Variants in ZCCHC14 observed in about 807,000 individuals in gnomAD.
The protein encoded by ZCCHC14 is zinc finger CCHC-type containing 14, also known as zinc finger CCHC domain-containing protein 14.
Under a neutral mutation model 85.0 loss-of-function variants are expected in ZCCHC14, and 16 were observed. That is an observed-to-expected ratio of 0.19 (90% CI 0.13 to 0.29). The LOEUF is 0.29. Ranked by LOEUF, ZCCHC14 falls within the 10% of genes least tolerant of loss-of-function variation. The pLI is 1.00. For synonymous variants in ZCCHC14, 775 were observed against 630.7 expected, an observed-to-expected ratio of 1.23 and a Z score of -3.43; for missense variants, 1,303 against 1,443.5, an observed-to-expected ratio of 0.90 and a Z score of 1.58.
intron 1 of ZCCHC14, among the ~76,000 whole-genome samples, chr16:87,486,299 G>A (rs1040322570): frequency 6.6e-6 from 1 of 151,760 alleles, no homozygotes; most frequent in Non-Finnish European, 1.5e-5. Context: ...CAGACCACAC[G>A]GACCAGGGAT....
chr16:87,475,468 G>C (rs1334776602), intron 1 of ZCCHC14, among the ~76,000 whole-genome samples: 1 of 149,968 alleles, frequency 6.7e-6, no homozygotes, highest in Non-Finnish European at 1.5e-5. Context: ...CAGGAGAATC[G>C]CTTGAACCCA....
At chr16:87,411,465 G>T in intron 12 of ZCCHC14, 51 bp downstream of exon 12, 1 of 1,589,816 alleles carries the variant, frequency 6.3e-7, no homozygotes, top group Non-Finnish European at 8.5e-7. Flanking sequence ...AAGCATTTGT[G>T]TGCACTGGTC....
chr16:87,420,727 G>A lies in ZCCHC14; in HGVS notation c.841-11C>T, dbSNP rs1385911778. The A allele has an allele frequency of 1.9e-6, 3 of 1,604,904 alleles. No homozygotes were observed. The East Asian group carries it at 6.7e-5, about 36-fold the overall frequency. The stretch of plus-strand genomic sequence containing the variant: ...ATAGAGCTGACATAGCTGGAAGAGA[G>A]GACAAGGTAGAGGAGGTGTGTCCAG... On this transcript the variant is annotated splice_polypyrimidine_tract_variant and intron_variant, in intron 4 of 12. Transcript: ENST00000671377. This position sits in a 1 kb window ranked among gnomAD's most constrained non-coding sequence, Gnocchi z 5.0.
chr16:87,413,603 C>T (rs1908605613), intron 10 of ZCCHC14, among the ~76,000 whole-genome samples: 1 of 152,068 alleles, frequency 6.6e-6, no homozygotes, highest in African/African-American at 2.4e-5. Flanking sequence ...GCTACTGCTC[C>T]TCCGATTTCT....
rs561897174 is a variant in ZCCHC14 at position 87,455,638 on chromosome 16, G to A, written c.694+4370C>T. On this transcript the variant is annotated intron_variant, in intron 2 of 12. Coordinates refer to ENST00000671377, the MANE Select transcript of ZCCHC14 (RefSeq NM_015144.3). The stretch of plus-strand genomic sequence containing the variant: ...TCTCTGTGCCCTGGGGTTCAAATCA[G>A]AATCCGTGGCTGAGGAATGCTACAG... Among the ~76,000 whole-genome samples the A allele has an allele frequency of 2.0e-3, 303 of 152,300 alleles. 1 individual carries two copies. Among genetic ancestry groups the A allele is most frequent in the African/African-American group, 6.9e-3 (285 of 41,564 alleles).
chr16:87,438,504 G>C (rs1384423796), intron 2 of ZCCHC14, among the ~76,000 whole-genome samples: 4 of 152,214 alleles, frequency 2.6e-5, no homozygotes, highest in East Asian at 3.8e-4. Context: ...GAGACGGAAT[G>C]ATGCCTCCCA....
chr16:87,483,134 C>G (rs1375236339), intron 1 of ZCCHC14, among the ~76,000 whole-genome samples: 1 of 151,614 alleles, frequency 6.6e-6, no homozygotes, highest in East Asian at 1.9e-4. Context: ...CTACTAAAGA[C>G]AATGCCTTGA....
chr16:87,491,238 G>A lies in ZCCHC14; in HGVS notation c.570+431C>T, dbSNP rs912890474. On this transcript the variant is annotated intron_variant, in intron 1 of 12. Coordinates refer to ENST00000671377, the MANE Select transcript of ZCCHC14 (RefSeq NM_015144.3). This position sits in a 1 kb window ranked among gnomAD's most constrained non-coding sequence, Gnocchi z 5.9. ...GCGGATCCTCGGACCCAGGGCCCCT[G>A]CAGCCGCTCCTGCCCAAGGGGCGCG... is the stretch of plus-strand genomic sequence containing the variant. Among the ~76,000 whole-genome samples the A allele has an allele frequency of 4.1e-4, 63 of 152,380 alleles. No individual in the cohort carries two copies. The highest frequency in any genetic ancestry group is 1.4e-3 in the African/African-American group (57 of 41,594).
intron 1 of ZCCHC14, among the ~76,000 whole-genome samples, chr16:87,480,395 A>G (rs771483441): frequency 6.6e-6 from 1 of 151,954 alleles, no homozygotes; most frequent in South Asian, 2.1e-4. Context: ...AGAGCGAGAC[A>G]CTGTCTCAAA....
chr16:87,462,464 G>GGC (rs1911309502), intron 1 of ZCCHC14, among the ~76,000 whole-genome samples: 1 of 152,220 alleles, frequency 6.6e-6, no homozygotes, highest in African/African-American at 2.4e-5. Flanking sequence ...GCCAAGGCCG[G>GGC]GTGCAGTGGC....
At chr16:87,434,122 G>A (rs571240975) in intron 2 of ZCCHC14, among the ~76,000 whole-genome samples, 6 of 152,294 alleles carry the variant, frequency 3.9e-5, no homozygotes, top group East Asian at 1.9e-4. Flanking sequence ...CAGGGAGCCC[G>A]GAAGGCATCA....
At position 87,421,194 on chromosome 16, in the gene ZCCHC14, G is replaced by C. The variant is rs923989392; in HGVS notation, c.841-478C>G. ...GTTCCTTTCCGCAGGAGGAGCCAGA[G>C]AGAGCCCCATCGGTGGCACCTGGGG... On this transcript the variant is annotated intron_variant, in intron 4 of 12. Coordinates refer to ENST00000671377, the MANE Select transcript of ZCCHC14 (RefSeq NM_015144.3). 2.6e-5 allele frequency among the ~76,000 whole-genome samples: 4 copies of C among 152,200 alleles called. No individual in the cohort carries two copies. In the South Asian group the frequency reaches 6.2e-4, roughly 24 times the overall value.
At chr16:87,462,929 A>G (rs991237796) in intron 1 of ZCCHC14, among the ~76,000 whole-genome samples, 4 of 150,888 alleles carry the variant, frequency 2.7e-5, no homozygotes, top group East Asian at 2.0e-4. Flanking sequence ...TTAGCCAGGC[A>G]TGGTGGCGCA....
intron 2 of ZCCHC14, among the ~76,000 whole-genome samples, chr16:87,443,079 T>C (rs1910264137): frequency 6.6e-6 from 1 of 152,234 alleles, no homozygotes; most frequent in African/African-American, 2.4e-5. Flanking sequence ...CTGGGTAATA[T>C]AAAAGCAGTC....
At chr16:87,441,312 A>T (rs1189237016) in intron 2 of ZCCHC14, among the ~76,000 whole-genome samples, 2 of 152,180 alleles carry the variant, frequency 1.3e-5, no homozygotes. Context: ...CTTCATATAA[A>T]TACTCAAGCT....
At chr16:87,432,309 G>T (rs1361991158) in intron 3 of ZCCHC14, among the ~76,000 whole-genome samples, 1 of 152,178 alleles carries the variant, frequency 6.6e-6, no homozygotes, top group Non-Finnish European at 1.5e-5. Flanking sequence ...CAGCCTTTTA[G>T]GCATCTAGGT....
At position 87,484,929 on chromosome 16, in the gene ZCCHC14, C is replaced by A. The variant is rs552175415; in HGVS notation, c.570+6740G>T. ...GTTCAAACGCTGACCTACAAGTGAC[C>A]CTGAGGAAACAGAGGGGTGTGACCA... On this transcript the variant is annotated intron_variant, in intron 1 of 12. Transcript: ENST00000671377. Among the ~76,000 whole-genome samples the A allele has an allele frequency of 5.3e-5, 8 of 152,170 alleles. No individual in the cohort carries two copies. The South Asian group carries it at 8.3e-4, about 16-fold the overall frequency.
chr16:87,426,156 T>C (rs891258603), intron 3 of ZCCHC14, among the ~76,000 whole-genome samples: 2 of 152,186 alleles, frequency 1.3e-5, no homozygotes, highest in African/African-American at 4.8e-5. Flanking sequence ...ATGGCTAAGC[T>C]GCAGCAGCCA....
chr16:87,445,826 A>G (rs1910409887), intron 2 of ZCCHC14, among the ~76,000 whole-genome samples: 2 of 152,216 alleles, frequency 1.3e-5, no homozygotes, highest in Non-Finnish European at 2.9e-5. Context: ...TTTTAAAATA[A>G]AGCAAATTAA....
Sources: gnomAD v4.1 joint callset for allele counts (sites outside exome capture counted in the v4.1 genomes callset) on GRCh38, gnomAD v4.1.1 for gene constraint, Gnocchi (gnomAD v3.1) non-coding constraint, MANE v1.5 for transcripts, NCBI Gene and HGNC (gene_info 2026-07-23, HGNC 2026-07-21) for gene names.